Variants in PTCH2 observed in about 807,000 individuals in gnomAD.
PTCH2 encodes protein patched homolog 2.
In PTCH2, 96 loss-of-function variants were observed where a neutral mutation model predicts 117.9. That is an observed-to-expected ratio of 0.81 (90% CI 0.69 to 0.96). The LOEUF (loss-of-function observed/expected upper bound fraction) is 0.96, where lower values mean the gene tolerates loss of function less well. PTCH2 is among the 50% of genes least tolerant of loss of function. The pLI is 0.00. For synonymous variants in PTCH2, 615 were observed against 660.9 expected, an observed-to-expected ratio of 0.93 and a Z score of 1.06; for missense variants, 1,379 against 1,562.5, an observed-to-expected ratio of 0.88 and a Z score of 1.98.
chr1:44,842,773 G>A, intron 1 of PTCH2, 88 bp downstream of exon 1: 1 of 1,304,610 alleles, frequency 7.7e-7, no homozygotes. Context: ...ATGACACTCG[G>A]CACTTCAAGA....
rs780051510 is a variant in PTCH2, at chr1:44,822,584, G to A, written c.3443C>T (p.Ser1148Phe). The A allele has an allele frequency of 6.2e-7, 1 of 1,613,934 alleles. No individual in the cohort carries two copies. Among genetic ancestry groups the A allele is most frequent in the African/African-American group, 1.3e-5 (1 of 74,894 alleles). ...GGGLRWGASS[S>F]LPQSFARVTT... ...CACTCTGGCAAAGCTCTGGGGCAGG[G>A]AGGAGGATGCCCCCCACCTAAGCCC... Residue 1148 changes from serine to phenylalanine, a missense_variant, in exon 22 of 22, where the codon TCC (serine) becomes TTC (phenylalanine). By Grantham distance (155) the Ser-to-Phe change is radical. Transcript: ENST00000372192.
At chr1:44,821,910 CA>C (rs567188805), downstream of PTCH2, 27 of 1,360,576 alleles carry the variant, frequency 2.0e-5, no homozygotes, top group Middle Eastern at 2.1e-4. Context: ...CCACTCTGTC[CA>C]AAAAAAAGCA....
At chr1:44,836,641 G>T (rs1653700371) in intron 2 of PTCH2, among the ~76,000 whole-genome samples, 1 of 152,008 alleles carries the variant, frequency 6.6e-6, no homozygotes, top group African/African-American at 2.4e-5. Context: ...GGAGGCGGAG[G>T]TTGCAGTGAG....
intron 19 of PTCH2, among the ~76,000 whole-genome samples, chr1:44,824,530 C>T (rs892922009): frequency 6.7e-6 from 1 of 149,208 alleles, no homozygotes; most frequent in Non-Finnish European, 1.5e-5. Context: ...CAGGATCTTA[C>T]TGTGTTGCCC....
intron 2 of PTCH2, among the ~76,000 whole-genome samples, chr1:44,839,148 G>A (rs1264121691): frequency 1.3e-5 from 2 of 152,062 alleles, no homozygotes; most frequent in African/African-American, 2.4e-5. Flanking sequence ...GCCAAGGCGG[G>A]CGGATCACAA....
At position 44,830,011 on chromosome 1, in the gene PTCH2, T is replaced by C; in HGVS notation, c.833A>G (p.Glu278Gly). The C allele has an allele frequency of 6.2e-7, 1 of 1,614,082 alleles. No homozygotes were observed. The highest frequency in any genetic ancestry group is 1.1e-5 in the South Asian group (1 of 91,064). ...HSRQAPNVAH[E>G]LSGGCHGFSH... Reference sequence around the variant, plus strand: ...GAAGCCATGGCAGCCCCCACTCAGCTCGTGAGCCACATTGGGAGCCTGGAG... The same window carrying C: ...GAAGCCATGGCAGCCCCCACTCAGCCCGTGAGCCACATTGGGAGCCTGGAG... Residue 278 changes from glutamate (E) to glycine (G), a missense_variant, in exon 7 of 22, where the codon GAG becomes GGG. Transcript: ENST00000372192.
At position 44,843,164 on chromosome 1, in the gene PTCH2, T is replaced by C. The variant is rs566290123; in HGVS notation, c.-232A>G. 304 of 1,260,124 alleles carry C rather than the reference T, an allele frequency of 2.4e-4. 2 individuals carry two copies. In the South Asian group the frequency reaches 2.5e-3, roughly 10 times the overall value. 78.1% of individuals were successfully genotyped at this position (1,260,124 alleles called of 1,614,324 possible). A position where few individuals can be genotyped will look rare whatever the true frequency, so the allele number is the denominator to read the frequency against. On this transcript the variant is annotated 5_prime_UTR_variant, in exon 1 of 22. Transcript: ENST00000372192. ...CGGGATTCACCCGCTCCGTGGGCCG[T>C]GGGCCGCGGCGGCTGGAGGAGGAAT...
In PTCH2 at chr1:44,839,645, T is replaced by G. The variant is rs558601569; in HGVS notation, c.265+2202A>C. Among the ~76,000 whole-genome samples, 14 of 152,166 alleles carry G rather than the reference T, an allele frequency of 9.2e-5. No homozygotes were observed. The East Asian group carries it at 2.7e-3, about 29-fold the overall frequency. ...AGGGAGGAAGGGAAGGGAGACTGCC[T>G]CTGTTGGGGCAGGAAATCCAAGAGT... On this transcript the variant is annotated intron_variant, in intron 2 of 21. Coordinates refer to ENST00000372192, the MANE Select transcript of PTCH2 (RefSeq NM_003738.5).
At chr1:44,820,755 G>A, downstream of PTCH2, 2 of 717,546 alleles carry the variant, frequency 2.8e-6, no homozygotes, top group Non-Finnish European at 2.6e-6. Flanking sequence ...ACTTGCCCAG[G>A]GTTACTCCGC....
intron 2 of PTCH2, among the ~76,000 whole-genome samples, chr1:44,834,431 T>C (rs1467244741): frequency 2.0e-5 from 3 of 152,096 alleles, no homozygotes; most frequent in African/African-American, 4.8e-5. Flanking sequence ...CCTCTCCTTC[T>C]CCGACTCTCC....
chr1:44,839,117 G>A (rs917160297), intron 2 of PTCH2, among the ~76,000 whole-genome samples: 14 of 151,978 alleles, frequency 9.2e-5, no homozygotes, highest in Non-Finnish European at 2.9e-5. Context: ...GCTCAGGCCT[G>A]TAATCCCAGC....
Position 44,827,692 on chromosome 1 carries a change from C to T in PTCH2, c.2081G>A (p.Gly694Asp), listed in dbSNP as rs773271602. The T allele has an allele frequency of 6.2e-7, 1 of 1,611,636 alleles. No homozygotes were observed. Among genetic ancestry groups the T allele is most frequent in the Non-Finnish European group, 8.5e-7 (1 of 1,180,002 alleles). ...GTAGAGGCTCAGGCCCAGAAGAGCA[C>T]CAAAGAGCACCAGCACGATGGCCTG... ...HAKAIVLVLF[G>D]ALLGLSLYGA... Residue 694 changes from glycine to aspartate, a missense_variant, in exon 15 of 22, where the codon GGT (glycine) becomes GAT (aspartate). By Grantham distance (94) the Gly-to-Asp change is moderately conservative. Transcript: ENST00000372192.
At position 44,831,695 on chromosome 1, in the gene PTCH2, G is replaced by T; in HGVS notation, c.617+11C>A. Reference sequence around the variant, plus strand: ...CGGGAGATGAAGCAGGGCCCCAGGAGTGGCACTCACGGCAGGTAGGCGGAG... The same window carrying T: ...CGGGAGATGAAGCAGGGCCCCAGGATTGGCACTCACGGCAGGTAGGCGGAG... On this transcript the variant is annotated intron_variant, in intron 5 of 21. Coordinates refer to ENST00000372192, the MANE Select transcript of PTCH2 (RefSeq NM_003738.5). This position sits in a 1 kb window ranked among gnomAD's most constrained non-coding sequence, Gnocchi z 4.3. 6.4e-7 allele frequency: 1 copy of T among 1,551,868 alleles called. No homozygotes were observed. Among genetic ancestry groups the T allele is most frequent in the Non-Finnish European group, 8.7e-7 (1 of 1,145,744 alleles).
intron 6 of PTCH2, among the ~76,000 whole-genome samples, chr1:44,830,252 G>T (rs1653372595): frequency 6.6e-6 from 1 of 152,100 alleles, no homozygotes; most frequent in Non-Finnish European, 1.5e-5. Context: ...CTTCTGGGAG[G>T]AGCTGGTGTA....
chr1:44,820,893 G>T (rs764984020), downstream of PTCH2, among the ~76,000 whole-genome samples: 6 of 152,098 alleles, frequency 3.9e-5, no homozygotes, highest in South Asian at 2.1e-4. Flanking sequence ...TCCCTCCCTT[G>T]GGCCTGCTGG....
rs1317015092 is a variant in PTCH2 at position 44,831,890 on chromosome 1, T to C, written c.525+85A>G. On this transcript the variant is annotated intron_variant, in intron 4 of 21. Transcript: ENST00000372192. The surrounding 1 kb of genome is among the most constrained non-coding windows in gnomAD (Gnocchi z 4.3). ...CCCTCCTTAGTTTTAAGGGGGCAGA[T>C]TGCAGGCTGTGGGGCTTGCTCGGTC... 6.4e-7 allele frequency: 1 copy of C among 1,573,830 alleles called. No homozygotes were observed. The highest frequency in any genetic ancestry group is 2.2e-5 in the East Asian group (1 of 44,680).
At chr1:44,832,487 T>C in intron 2 of PTCH2, 146 bp from the exon 3 acceptor site, 1 of 822,950 alleles carries the variant, frequency 1.2e-6, no homozygotes, top group East Asian at 2.6e-5. Context: ...GAGGGCCTGG[T>C]CATGGCCCAG....
At position 44,829,082 on chromosome 1, in the gene PTCH2, G is replaced by C; in HGVS notation, c.1372-8C>G. ...AGCCAAGAAGGGCAGCACCTGGAGG[G>C]GCAGAGGAGCGGGCAGCTGAGGACC... On this transcript the variant is annotated splice_polypyrimidine_tract_variant and splice_region_variant and intron_variant, in intron 10 of 21. Coordinates refer to ENST00000372192, the MANE Select transcript of PTCH2 (RefSeq NM_003738.5). 1 of 1,612,830 alleles carries C rather than the reference G, an allele frequency of 6.2e-7. No individual in the cohort carries two copies. The highest frequency in any genetic ancestry group is 8.5e-7 in the Non-Finnish European group (1 of 1,179,546).
chr1:44,827,378 C>A, intron 15 of PTCH2, 24 bp downstream of exon 15: 1 of 1,613,754 alleles, frequency 6.2e-7, no homozygotes, highest in Non-Finnish European at 8.5e-7. Flanking sequence ...AGCACCCCTC[C>A]CTGCCCGTCT....
Sources: gnomAD v4.1 joint callset for allele counts (sites outside exome capture counted in the v4.1 genomes callset) on GRCh38, gnomAD v4.1.1 for gene constraint, Gnocchi (gnomAD v3.1) non-coding constraint, MANE v1.5 for transcripts, NCBI Gene and HGNC (gene_info 2026-07-23, HGNC 2026-07-21) for gene names.